Variants in ANKRD62 observed in about 807,000 individuals in gnomAD.
The protein encoded by ANKRD62 is ankyrin repeat domain-containing protein 62.
A neutral mutation model predicts 98.8 loss-of-function variants in ANKRD62; 61 were observed. The ratio of observed to expected loss-of-function variants is 0.62; its 90% CI spans 0.50 to 0.76. ANKRD62 has a LOEUF of 0.76. Among genes scored for constraint, ANKRD62 ranks in the 30% least tolerant of loss-of-function variants. ANKRD62 has a pLI of 0.00. For missense variants in ANKRD62, 933 were observed against 1,082.9 expected (o/e 0.86, Z 1.94); for synonymous variants, 341 against 367.9 (o/e 0.93, Z 0.84).
At chr18:12,150,346 G>A in the ANKRD62 span, among the ~76,000 whole-genome samples, 1 of 152,132 alleles carries the variant, frequency 6.6e-6, no homozygotes, top group East Asian at 1.9e-4. Context: ...TCCCTGAAAG[G>A]GACAGAGAGA....
chr18:12,171,572 T>A, the ANKRD62 span, among the ~76,000 whole-genome samples: 3 of 152,220 alleles, frequency 2.0e-5, no homozygotes, highest in African/African-American at 4.8e-5. Context: ...GCTCTCAGCC[T>A]TTTTTCCTTC....
the ANKRD62 span, among the ~76,000 whole-genome samples, chr18:12,181,401 AT>A: frequency 6.6e-6 from 1 of 152,250 alleles, no homozygotes; most frequent in Admixed American, 6.5e-5. Context: ...CAACTACCTT[AT>A]AAACTTTAAA....
Position 12,125,901 on chromosome 18 carries a change from G to A in ANKRD62, c.2080G>A (p.Asp694Asn), listed in dbSNP as rs772529798. ...TVNEWCHLQE[D>N]TNSHIQILSQ... is the part of the protein sequence containing the mutation. Reference sequence around the variant, plus strand: ...GAATGAATGGTGTCATTTACAAGAAGACACTAATTCTCACATTCAGATTCT... The same window carrying A: ...GAATGAATGGTGTCATTTACAAGAAAACACTAATTCTCACATTCAGATTCT... Residue 694 changes from aspartate (D) to asparagine (N), a missense_variant, in exon 13 of 14, where the codon GAC (aspartate) becomes AAC (asparagine). Asp to Asn is a conservative substitution (Grantham distance 23). Transcript: ENST00000587848. 3.9e-6 allele frequency: 6 copies of A among 1,541,376 alleles called. No individual in the cohort carries two copies. Among genetic ancestry groups the A allele is most frequent in the Non-Finnish European group, 5.2e-6 (6 of 1,147,004 alleles).
chr18:12,139,111 G>A, the ANKRD62 span, among the ~76,000 whole-genome samples: 1 of 151,994 alleles, frequency 6.6e-6, no homozygotes, highest in South Asian at 2.1e-4. Flanking sequence ...TATTTTGCTC[G>A]TTAGTTGATG....
chr18:12,161,067 AG>A, the ANKRD62 span, among the ~76,000 whole-genome samples: 1 of 152,194 alleles, frequency 6.6e-6, no homozygotes. Context: ...CATGTAAAAA[AG>A]GTACTATCTT....
the ANKRD62 span, among the ~76,000 whole-genome samples, chr18:12,153,763 A>T: frequency 6.6e-6 from 1 of 152,198 alleles, no homozygotes; most frequent in Non-Finnish European, 1.5e-5. Flanking sequence ...ACAGACATAT[A>T]TACTAAGGGA....
chr18:12,102,499 AC>A, intron 6 of ANKRD62: 1 of 390,670 alleles, frequency 2.6e-6, no homozygotes, highest in Admixed American at 3.2e-5. Flanking sequence ...AAGGTCATCC[AC>A]CAACCCCCAC....
At chr18:12,115,720 T>C in intron 10 of ANKRD62, among the ~76,000 whole-genome samples, 186 bp downstream of exon 10, 1 of 152,160 alleles carries the variant, frequency 6.6e-6, no homozygotes, top group Non-Finnish European at 1.5e-5. Context: ...GCTGTGATCA[T>C]TCCACTGTAC....
the ANKRD62 span, among the ~76,000 whole-genome samples, chr18:12,167,088 G>A: frequency 6.6e-6 from 1 of 151,700 alleles, no homozygotes; most frequent in Non-Finnish European, 1.5e-5. Flanking sequence ...ATTCCACGGT[G>A]TACATGTGCC....
At chr18:12,139,390 A>G in the ANKRD62 span, among the ~76,000 whole-genome samples, 93,262 of 151,942 alleles carry the variant, frequency 0.61, 29,072 homozygotes, top group Middle Eastern at 0.76. Flanking sequence ...CATGCCTGTA[A>G]TCACAGCACT....
At chr18:12,115,045 AT>A in intron 8 of ANKRD62, 42 bp from the exon 9 acceptor site, 10 of 1,332,358 alleles carry the variant, frequency 7.5e-6, no homozygotes, top group Non-Finnish European at 9.6e-6. Flanking sequence ...TATTTTACAT[AT>A]TTACTATTTG....
chr18:12,165,233 C>T, the ANKRD62 span, among the ~76,000 whole-genome samples: 2 of 151,904 alleles, frequency 1.3e-5, no homozygotes, highest in African/African-American at 2.4e-5. Flanking sequence ...CATTAGGCAA[C>T]TCTGTGTCTT....
intron 8 of ANKRD62, among the ~76,000 whole-genome samples, 177 bp from the exon 9 acceptor site, chr18:12,114,911 T>C (rs1362001180): frequency 1.3e-5 from 2 of 152,118 alleles, no homozygotes; most frequent in Middle Eastern, 3.2e-3. Context: ...CATTTAGTTT[T>C]TCCCCTTGTA....
the ANKRD62 span, among the ~76,000 whole-genome samples, chr18:12,164,969 G>A: frequency 1.3e-5 from 2 of 152,060 alleles, no homozygotes; most frequent in African/African-American, 4.8e-5. Flanking sequence ...CCAGTGGAGG[G>A]TGCATATGTA....
At chr18:12,169,984 A>G in the ANKRD62 span, among the ~76,000 whole-genome samples, 2 of 152,186 alleles carry the variant, frequency 1.3e-5, no homozygotes, top group East Asian at 3.9e-4. Context: ...TATCCCCTTT[A>G]TCATTTTTTA....
the ANKRD62 span, among the ~76,000 whole-genome samples, chr18:12,150,492 T>TATAATCATCAGC: frequency 6.6e-6 from 1 of 152,020 alleles, no homozygotes; most frequent in Non-Finnish European, 1.5e-5. Flanking sequence ...CCCCAAGACA[T>TATAATCATCAGC]ATAATCATCA....
intron 7 of ANKRD62, among the ~76,000 whole-genome samples, chr18:12,105,524 T>C (rs1909393466): frequency 6.6e-6 from 1 of 152,166 alleles, no homozygotes; most frequent in Non-Finnish European, 1.5e-5. Flanking sequence ...GTCTGGAAGA[T>C]GGTCACTCTC....
chr18:12,162,098 CTG>C, the ANKRD62 span, among the ~76,000 whole-genome samples: 5 of 152,062 alleles, frequency 3.3e-5, no homozygotes, highest in African/African-American at 1.2e-4. Context: ...AACCTCCAAA[CTG>C]TGCTCCATGG....
chr18:12,120,016 T>C (rs904525792), intron 10 of ANKRD62, among the ~76,000 whole-genome samples: 2 of 152,324 alleles, frequency 1.3e-5, no homozygotes, highest in South Asian at 2.1e-4. Flanking sequence ...ATTTTTGTTA[T>C]TGGTTTCTAA....
Sources: gnomAD v4.1 joint callset for allele counts (sites outside exome capture counted in the v4.1 genomes callset) on GRCh38, gnomAD v4.1.1 for gene constraint, MANE v1.5 for transcripts, NCBI Gene and HGNC (gene_info 2026-07-23, HGNC 2026-07-21) for gene names.